Variants in KIAA1328 observed in about 807,000 individuals in gnomAD.
KIAA1328 encodes KIAA1328, also known as protein hinderin.
In KIAA1328, 52 loss-of-function variants were observed where a neutral mutation model predicts 68.1. The ratio of observed to expected loss-of-function variants is 0.76; its 90% CI spans 0.61 to 0.96. The LOEUF (loss-of-function observed/expected upper bound fraction) is 0.96, where lower values mean the gene tolerates loss of function less well. Ranked by LOEUF, KIAA1328 falls within the 40% of genes least tolerant of loss-of-function variation. The pLI is 0.00. For missense variants in KIAA1328, 641 were observed against 677.6 expected, an observed-to-expected ratio of 0.95 and a Z score of 0.60; for synonymous variants, 232 against 239.4, an observed-to-expected ratio of 0.97 and a Z score of 0.28.
intron 5 of KIAA1328, among the ~76,000 whole-genome samples, chr18:36,906,784 A>T (rs148140989): frequency 6.6e-6 from 1 of 152,244 alleles, no homozygotes; most frequent in African/African-American, 2.4e-5. Context: ...TGTGGACATA[A>T]GTTTTCCAAT....
intron 7 of KIAA1328, among the ~76,000 whole-genome samples, chr18:37,097,741 T>A (rs2057457746): frequency 6.6e-6 from 1 of 152,216 alleles, no homozygotes; most frequent in South Asian, 2.1e-4. Context: ...GTATCCTCTT[T>A]TATTTCATTG....
chr18:37,097,978 G>A (rs543234550), intron 7 of KIAA1328, among the ~76,000 whole-genome samples: 67 of 152,196 alleles, frequency 4.4e-4, no homozygotes, highest in Admixed American at 3.1e-3. Flanking sequence ...TTTGGGCTGA[G>A]ACAGTGGGGT....
chr18:37,033,126 T>G (rs1265849198), intron 6 of KIAA1328, among the ~76,000 whole-genome samples: 1 of 152,212 alleles, frequency 6.6e-6, no homozygotes, highest in Non-Finnish European at 1.5e-5. Flanking sequence ...TTAAATACCA[T>G]TTGGTTATTT....
rs562751327 is a variant in KIAA1328, at chr18:37,146,983, A to G, written c.1233-13217A>G. Among the ~76,000 whole-genome samples, 8 of 152,152 alleles carry G rather than the reference A, an allele frequency of 5.3e-5. No homozygotes were observed. In the South Asian group the frequency reaches 1.0e-3, roughly 20 times the overall value. On this transcript the variant is annotated intron_variant, in intron 7 of 9. Transcript: ENST00000280020. ...CTCCCTCAGGAGTGAGTGAGTTCTT[A>G]CTCTGTTAGCTCCCATGAAAGCTGG...
intron 5 of KIAA1328, among the ~76,000 whole-genome samples, chr18:36,905,913 A>G (rs559507696): frequency 7.2e-5 from 11 of 152,184 alleles, no homozygotes; most frequent in Non-Finnish European, 1.5e-4. Flanking sequence ...CTTCTCATTC[A>G]GTGAGAACCC....
chr18:37,149,964 TGAAG>T (rs1005666072), intron 7 of KIAA1328, among the ~76,000 whole-genome samples: 3 of 152,160 alleles, frequency 2.0e-5, no homozygotes, highest in Non-Finnish European at 4.4e-5. Flanking sequence ...TTTTAAGTAA[TGAAG>T]GAATGTTGTG....
chr18:36,989,071 G>T (rs563214198), intron 6 of KIAA1328, among the ~76,000 whole-genome samples: 1 of 152,080 alleles, frequency 6.6e-6, no homozygotes, highest in Non-Finnish European at 1.5e-5. Flanking sequence ...GGTGAAAACC[G>T]AGAATATTGC....
chr18:37,091,944 A>G (rs2057279091), intron 7 of KIAA1328, among the ~76,000 whole-genome samples: 1 of 152,088 alleles, frequency 6.6e-6, no homozygotes, highest in Non-Finnish European at 1.5e-5. Flanking sequence ...TTCCTCCAAC[A>G]GCAGGACCAC....
At chr18:36,966,858 C>T (rs1456857697) in intron 6 of KIAA1328, among the ~76,000 whole-genome samples, 2 of 152,122 alleles carry the variant, frequency 1.3e-5, no homozygotes, top group Non-Finnish European at 2.9e-5. Context: ...TTGTTGCAAT[C>T]CTGATCAGAA....
At chr18:37,056,280 T>A (rs963593762) in intron 6 of KIAA1328, among the ~76,000 whole-genome samples, 2 of 152,210 alleles carry the variant, frequency 1.3e-5, no homozygotes, top group African/African-American at 4.8e-5. Flanking sequence ...ATAGGCATTG[T>A]TTTCTATGCA....
At chr18:37,036,127 G>A (rs1009590178) in intron 6 of KIAA1328, among the ~76,000 whole-genome samples, 6 of 152,164 alleles carry the variant, frequency 3.9e-5, no homozygotes, top group African/African-American at 1.4e-4. Flanking sequence ...ACCTTATTAC[G>A]TAAGCATTTG....
chr18:36,849,231 A>G (rs555270262), intron 4 of KIAA1328, among the ~76,000 whole-genome samples: 33 of 151,908 alleles, frequency 2.2e-4, no homozygotes, highest in Non-Finnish European at 4.0e-4. Context: ...TTCTATAGCC[A>G]TGAATTTTAC....
intron 3 of KIAA1328, among the ~76,000 whole-genome samples, chr18:36,841,925 GT>G (rs571026491): frequency 2.1e-5 from 3 of 145,262 alleles, no homozygotes; most frequent in African/African-American, 7.6e-5. Flanking sequence ...GAGATTTCTT[GT>G]TTTTTTTTCC....
intron 6 of KIAA1328, among the ~76,000 whole-genome samples, chr18:36,976,147 G>A (rs1431882797): frequency 6.6e-6 from 1 of 152,172 alleles, no homozygotes; most frequent in African/African-American, 2.4e-5. Context: ...TTGAGCACTT[G>A]ATATATGACT....
chr18:36,857,096 C>A (rs1243497755), intron 4 of KIAA1328, among the ~76,000 whole-genome samples: 15 of 152,130 alleles, frequency 9.9e-5, no homozygotes, highest in African/African-American at 3.1e-4. Context: ...ACTGCTAAGG[C>A]AAGGAGGCTT....
intron 7 of KIAA1328, among the ~76,000 whole-genome samples, chr18:37,071,132 C>T (rs187735675): frequency 8.3e-5 from 11 of 132,862 alleles, no homozygotes; most frequent in East Asian, 7.0e-4. Context: ...TGCAGTGGCA[C>T]GATCATGGCT....
At chr18:36,979,441 C>T (rs1012544363) in intron 6 of KIAA1328, among the ~76,000 whole-genome samples, 1 of 152,026 alleles carries the variant, frequency 6.6e-6, no homozygotes, top group Admixed American at 6.5e-5. Flanking sequence ...GGTAGGATCA[C>T]AGCTAAAAGC....
chr18:37,223,620 G>T lies in KIAA1328; in HGVS notation c.*1393G>T. On this transcript the variant is annotated 3_prime_UTR_variant, in exon 10 of 10. Coordinates refer to ENST00000280020, the MANE Select transcript of KIAA1328 (RefSeq NM_020776.3). ...AAACTGGGAGTAAGACTTAGTCAGT[G>T]TTGGTAGACAAAGTCATACCACCCA... The T allele has an allele frequency of 1.0e-6, 1 of 985,388 alleles. No individual in the cohort carries two copies. Among genetic ancestry groups the T allele is most frequent in the Non-Finnish European group, 1.2e-6 (1 of 829,926 alleles). 61.0% of individuals were successfully genotyped at this position (985,388 alleles called of 1,614,324 possible). A position where few individuals can be genotyped will look rare whatever the true frequency, so the allele number is the denominator to read the frequency against.
chr18:37,148,683 C>T (rs2058960899), intron 7 of KIAA1328, among the ~76,000 whole-genome samples: 1 of 152,148 alleles, frequency 6.6e-6, no homozygotes, highest in South Asian at 2.1e-4. Flanking sequence ...GAGATGGTAT[C>T]TCTTTGTGGT....
Sources: gnomAD v4.1 joint callset for allele counts (sites outside exome capture counted in the v4.1 genomes callset) on GRCh38, gnomAD v4.1.1 for gene constraint, MANE v1.5 for transcripts, NCBI Gene and HGNC (gene_info 2026-07-23, HGNC 2026-07-21) for gene names.